The following ZNF407 variants were observed in gnomAD, a reference collection of about 807,000 sequenced individuals.
The protein encoded by ZNF407 is zinc finger protein 407.
A neutral mutation model predicts 131.2 loss-of-function variants in ZNF407; 17 were observed. The observed-to-expected ratio is 0.13, with a 90% CI of 0.09 to 0.19. The LOEUF (loss-of-function observed/expected upper bound fraction) is 0.19. Among genes scored for constraint, ZNF407 ranks in the 10% least tolerant of loss-of-function variants. The pLI is 1.00. For synonymous variants in ZNF407, 1,156 were observed against 1,062.0 expected (o/e 1.09, Z -1.72); for missense variants, 2,681 against 2,830.6 (o/e 0.95, Z 1.20).
intron 4 of ZNF407, among the ~76,000 whole-genome samples, chr18:74,842,223 G>C (rs1970643861): frequency 6.6e-6 from 1 of 152,070 alleles, no homozygotes; most frequent in Admixed American, 6.5e-5. Context: ...AGCAAATGTG[G>C]TAGAAACGAC....
chr18:74,676,391 C>A (rs1986361734), intron 3 of ZNF407, among the ~76,000 whole-genome samples: 1 of 151,584 alleles, frequency 6.6e-6, no homozygotes, highest in African/African-American at 2.4e-5. Context: ...TGTGTCCCGG[C>A]CTAGAATATT....
At chr18:74,948,586 G>A (rs1179115591) in intron 8 of ZNF407, among the ~76,000 whole-genome samples, 1 of 152,130 alleles carries the variant, frequency 6.6e-6, no homozygotes, top group Non-Finnish European at 1.5e-5. Context: ...ATTTTTACAT[G>A]TGATTCTGAA....
At chr18:74,717,156 C>T (rs1967914454) in intron 3 of ZNF407, among the ~76,000 whole-genome samples, 1 of 152,114 alleles carries the variant, frequency 6.6e-6, no homozygotes, top group South Asian at 2.1e-4. Context: ...CTAGCCATTT[C>T]TGATGTAATT....
In ZNF407 at chr18:75,063,761, C is replaced by T. The variant is rs749835782; in HGVS notation, c.6040C>T (p.Pro2014Ser). The change falls in exon 9 of 9, where the codon CCC becomes TCC. Residue 2014 changes from proline to serine, a missense_variant. This residue lies in a region of ZNF407 where 620 missense variants were observed against 583.1 expected (regional missense o/e 1.06). Coordinates refer to ENST00000299687, the MANE Select transcript of ZNF407 (RefSeq NM_017757.3). This position sits in a 1 kb window ranked among gnomAD's most constrained non-coding sequence, Gnocchi z 6.6. Reference sequence around the variant, plus strand: ...GGCTGGGCTCGAGGAGCAAGGCAGGCCCGGCGCCAAAGACGTGCTGATCCA... The same window carrying T: ...GGCTGGGCTCGAGGAGCAAGGCAGGTCCGGCGCCAAAGACGTGCTGATCCA... ...GRAGLEEQGR[P>S]GAKDVLIQLP... 2 of 1,611,202 alleles carry T rather than the reference C, an allele frequency of 1.2e-6. No homozygotes were observed. The highest frequency in any genetic ancestry group is 8.5e-7 in the Non-Finnish European group (1 of 1,179,800).
At chr18:74,626,488 G>T (rs1021416428) in intron 1 of ZNF407, among the ~76,000 whole-genome samples, 4 of 152,176 alleles carry the variant, frequency 2.6e-5, no homozygotes, top group African/African-American at 7.2e-5. Flanking sequence ...GAGGTCACTG[G>T]TGTGTATGTC....
intron 8 of ZNF407, among the ~76,000 whole-genome samples, chr18:74,966,866 A>C (rs1972415989): frequency 6.6e-6 from 1 of 152,018 alleles, no homozygotes; most frequent in African/African-American, 2.4e-5. Flanking sequence ...CATTATAGAG[A>C]TCTTTTACTT....
At chr18:74,817,881 A>G (rs976258744) in intron 4 of ZNF407, among the ~76,000 whole-genome samples, 4 of 152,208 alleles carry the variant, frequency 2.6e-5, no homozygotes, top group African/African-American at 7.2e-5. Flanking sequence ...TTTAAAGCCA[A>G]TGATAGGTTC....
At chr18:74,720,176 A>ATTTT (rs34064021) in intron 3 of ZNF407, among the ~76,000 whole-genome samples, 1 of 149,750 alleles carries the variant, frequency 6.7e-6, no homozygotes, top group African/African-American at 2.5e-5. Flanking sequence ...AGCATTTGCT[A>ATTTT]TTTTTTTTTT....
intron 4 of ZNF407, among the ~76,000 whole-genome samples, chr18:74,810,628 T>A (rs1386594530): frequency 6.6e-6 from 1 of 152,226 alleles, no homozygotes; most frequent in African/African-American, 2.4e-5. Context: ...GTATTCTCTG[T>A]TCTCTAGTTT....
chr18:74,747,855 G>A (rs1418844650), intron 3 of ZNF407, among the ~76,000 whole-genome samples: 1 of 152,070 alleles, frequency 6.6e-6, no homozygotes, highest in African/African-American at 2.4e-5. Context: ...TGAGGAGAAA[G>A]TAACAAGATA....
At chr18:74,712,781 C>G (rs147401232) in intron 3 of ZNF407, among the ~76,000 whole-genome samples, 62 of 152,268 alleles carry the variant, frequency 4.1e-4, no homozygotes, top group African/African-American at 1.1e-3. Context: ...TGAGGTTTTG[C>G]TGTCAGTTGG....
At chr18:74,782,369 A>G (rs190509850) in intron 4 of ZNF407, among the ~76,000 whole-genome samples, 1 of 152,296 alleles carries the variant, frequency 6.6e-6, no homozygotes, top group Admixed American at 6.5e-5. Context: ...AGTCTTTTTA[A>G]AAATTAAAAT....
intron 7 of ZNF407, among the ~76,000 whole-genome samples, chr18:74,900,887 G>A (rs533023264): frequency 6.6e-6 from 1 of 152,264 alleles, no homozygotes; most frequent in African/African-American, 2.4e-5. Flanking sequence ...TTCTATTGAA[G>A]ACTGTTTTAA....
rs1971413938 is a variant in ZNF407 at position 74,893,465 on chromosome 18, C to G, written c.5249+3427C>G. On this transcript the variant is annotated intron_variant, in intron 7 of 8. Coordinates refer to ENST00000299687, the MANE Select transcript of ZNF407 (RefSeq NM_017757.3). ...GAACAAAAGGCAAGTTCACCTTGACCGGGAGTATAAAAAATTTGCAAAAGT... is the reference window on the plus strand; with the variant it reads ...GAACAAAAGGCAAGTTCACCTTGACGGGGAGTATAAAAAATTTGCAAAAGT... Among the ~76,000 whole-genome samples the G allele has an allele frequency of 5.3e-5, 8 of 151,904 alleles. No individual in the cohort carries two copies. The South Asian group carries it at 1.7e-3, about 32-fold the overall frequency.
At chr18:74,619,399 T>C (rs894188923) in intron 1 of ZNF407, among the ~76,000 whole-genome samples, 9 of 152,230 alleles carry the variant, frequency 5.9e-5, no homozygotes, top group Admixed American at 5.2e-4. Context: ...TGTAAATTTA[T>C]TATATGTTTC....
rs71170316 is a variant in ZNF407 at position 74,763,196 on chromosome 18, C to CTTTTT, written c.4803-18209_4803-18205dup. Among the ~76,000 whole-genome samples the CTTTTT allele has an allele frequency of 7.9e-4, 14 of 17,776 alleles. 3 individuals carry two copies. Among genetic ancestry groups the CTTTTT allele is most frequent in the East Asian group, 5.9e-3 (2 of 338 alleles). 11.7% of individuals were successfully genotyped at this position (17,776 alleles called of 152,430 possible). A position where few individuals can be genotyped will look rare whatever the true frequency, so the allele number is the denominator to read the frequency against. On this transcript the variant is annotated intron_variant, in intron 3 of 8. Coordinates refer to ENST00000299687, the MANE Select transcript of ZNF407 (RefSeq NM_017757.3). ...ATGATTTTGAGCATCTTCTTAGGAC[C>CTTTTT]TTTTTTTTTTTTTTTTTTTTTTTTT...
intron 8 of ZNF407, among the ~76,000 whole-genome samples, chr18:75,055,569 G>A (rs1371013949): frequency 1.3e-5 from 2 of 152,192 alleles, no homozygotes; most frequent in Non-Finnish European, 2.9e-5. Context: ...CTTAGGGTTT[G>A]TGACTTTAAA....
At chr18:74,621,537 C>G (rs1004056923) in intron 1 of ZNF407, among the ~76,000 whole-genome samples, 9 of 152,028 alleles carry the variant, frequency 5.9e-5, no homozygotes, top group African/African-American at 2.2e-4. Flanking sequence ...GGCTCTGAGT[C>G]GGAGGCCTCA....
At chr18:74,906,144 T>C (rs1391259485) in intron 7 of ZNF407, among the ~76,000 whole-genome samples, 1 of 152,206 alleles carries the variant, frequency 6.6e-6, no homozygotes. Flanking sequence ...TAGGCATTCC[T>C]GGTTTTTGTC....
Sources: allele counts gnomAD v4.1 joint callset (sites outside exome capture counted in the v4.1 genomes callset), GRCh38; gene constraint gnomAD v4.1.1; regional missense constraint gnomAD v4.1.1; non-coding constraint Gnocchi (gnomAD v3.1); transcripts MANE v1.5; gene names NCBI Gene and HGNC (gene_info 2026-07-23, HGNC 2026-07-21).